The following AUTS2 variants were observed in gnomAD, a reference collection of about 807,000 sequenced individuals.
AUTS2 encodes activator of transcription and developmental regulator AUTS2.
Under a neutral mutation model 112.4 loss-of-function variants are expected in AUTS2, and 17 were observed. The observed-to-expected ratio is 0.15, with a 90% CI of 0.10 to 0.23. AUTS2 has a LOEUF of 0.23. AUTS2 is among the 10% of genes least tolerant of loss of function. The pLI, the probability that AUTS2 is intolerant of heterozygous loss-of-function variation, is 1.00. For missense variants in AUTS2, 1,510 were observed against 1,701.6 expected, an observed-to-expected ratio of 0.89 and a Z score of 1.98; for synonymous variants, 751 against 702.7, an observed-to-expected ratio of 1.07 and a Z score of -1.09.
chr7:70,353,057 T>G (rs1791838738), intron 4 of AUTS2, among the ~76,000 whole-genome samples: 1 of 152,188 alleles, frequency 6.6e-6, no homozygotes, highest in African/African-American at 2.4e-5. Context: ...CAAACACTTG[T>G]CCCTGAGTCT....
chr7:69,765,667 C>T (rs183007406), intron 1 of AUTS2, among the ~76,000 whole-genome samples: 9 of 151,962 alleles, frequency 5.9e-5, no homozygotes, highest in East Asian at 3.9e-4. Context: ...AGTCCGGGCA[C>T]GGTGGCTCAT....
intron 4 of AUTS2, among the ~76,000 whole-genome samples, chr7:70,341,284 G>A (rs1048519406): frequency 6.6e-6 from 1 of 152,138 alleles, no homozygotes; most frequent in South Asian, 2.1e-4. Context: ...TTAACGGACC[G>A]CAGCATAAAA....
chr7:69,983,505 C>T (rs1488206508), intron 2 of AUTS2, among the ~76,000 whole-genome samples: 2 of 148,704 alleles, frequency 1.3e-5, no homozygotes, highest in African/African-American at 2.6e-5. Flanking sequence ...CAGAAGGTGT[C>T]GCTTTGTACT....
intron 5 of AUTS2, among the ~76,000 whole-genome samples, chr7:70,607,191 A>G (rs911418441): frequency 6.6e-6 from 1 of 152,166 alleles, no homozygotes; most frequent in Non-Finnish European, 1.5e-5. Context: ...TGATTGGATT[A>G]CAGTTCCTTT....
At chr7:70,252,798 G>A (rs541988648) in intron 4 of AUTS2, among the ~76,000 whole-genome samples, 1 of 151,994 alleles carries the variant, frequency 6.6e-6, no homozygotes, top group Non-Finnish European at 1.5e-5. Flanking sequence ...TCATTGTTCT[G>A]CTTGTGGATA....
intron 4 of AUTS2, among the ~76,000 whole-genome samples, chr7:70,239,067 T>C (rs1179301663): frequency 6.6e-6 from 1 of 152,186 alleles, no homozygotes; most frequent in African/African-American, 2.4e-5. Flanking sequence ...CTATTTGATG[T>C]CCTTTAATCA....
rs190658230 is a variant in AUTS2 at position 70,542,705 on chromosome 7, C to A, written c.690+106924C>A. Among the ~76,000 whole-genome samples, 435 of 152,296 alleles carry A rather than the reference C, an allele frequency of 2.9e-3. 1 individual carries two copies. The highest frequency in any genetic ancestry group is 0.01 in the Admixed American group (155 of 15,296). On this transcript the variant is annotated intron_variant, in intron 5 of 18. Transcript: ENST00000342771. ...AAGTCAGTGGGGAAATATTCTTGTT[C>A]CCATTTAGCAGATGGGGCTCAAAGA...
intron 2 of AUTS2, among the ~76,000 whole-genome samples, chr7:70,096,297 T>TA (rs1309699813): frequency 6.6e-6 from 1 of 152,040 alleles, no homozygotes; most frequent in Non-Finnish European, 1.5e-5. Context: ...TATGCATGAA[T>TA]AAAAAAATTG....
intron 1 of AUTS2, chr7:69,663,359 A>G (rs1795888517): frequency 6.6e-6 from 1 of 152,140 alleles, no homozygotes; most frequent in African/African-American, 2.4e-5. Flanking sequence ...TAAGAGGGAA[A>G]TCTAATACCT....
At chr7:69,824,117 T>G in intron 1 of AUTS2, among the ~76,000 whole-genome samples, 1 of 151,912 alleles carries the variant, frequency 6.6e-6, no homozygotes. Flanking sequence ...TTATAGCTAT[T>G]AATAAGTGTG....
chr7:70,001,107 G>T (rs1360823988), intron 2 of AUTS2, among the ~76,000 whole-genome samples: 1 of 152,088 alleles, frequency 6.6e-6, no homozygotes, highest in Non-Finnish European at 1.5e-5. Context: ...AAAAAGCAGA[G>T]GCTCTTAGAA....
At chr7:70,665,419 A>G (rs892031998) in intron 5 of AUTS2, among the ~76,000 whole-genome samples, 15 of 149,358 alleles carry the variant, frequency 1.0e-4, no homozygotes, top group African/African-American at 3.8e-4. Flanking sequence ...ACACATCACC[A>G]TGACCAGCTG....
At chr7:70,592,832 CT>C (rs1193068740) in intron 5 of AUTS2, among the ~76,000 whole-genome samples, 2 of 152,062 alleles carry the variant, frequency 1.3e-5, no homozygotes, top group Non-Finnish European at 2.9e-5. Flanking sequence ...TGATTTCAAA[CT>C]TTGGAATTTA....
intron 6 of AUTS2, among the ~76,000 whole-genome samples, chr7:70,738,612 A>G (rs1338472141): frequency 6.6e-6 from 1 of 152,072 alleles, no homozygotes; most frequent in Non-Finnish European, 1.5e-5. Flanking sequence ...CTCCACTGTG[A>G]GCTGCCAAGG....
rs149520335 is a variant in AUTS2, at chr7:70,787,372, T to C, written c.2472T>C (p.His824=). 5 of 1,614,102 alleles carry C rather than the reference T, an allele frequency of 3.1e-6. No homozygotes were observed. In the African/African-American group the frequency reaches 5.3e-5, roughly 17 times the overall value. ...ELERSASAAA[H]DRDRDVDKRD... ...AGCGCAGCGCGTCCGCTGCAGCTCATGACAGAGATAGAGATGTAGATAAAC... is the reference window on the plus strand; with the variant it reads ...AGCGCAGCGCGTCCGCTGCAGCTCACGACAGAGATAGAGATGTAGATAAAC... The change falls in exon 18 of 19, where the codon CAT becomes CAC. Residue 824 remains histidine (H), a synonymous_variant. Transcript: ENST00000342771.
At chr7:70,377,911 C>T (rs992250097) in intron 4 of AUTS2, among the ~76,000 whole-genome samples, 1 of 151,650 alleles carries the variant, frequency 6.6e-6, no homozygotes, top group African/African-American at 2.4e-5. Context: ...GCTGGGACTA[C>T]AAGCGCCCGC....
intron 1 of AUTS2, among the ~76,000 whole-genome samples, chr7:69,868,302 G>A (rs1161088338): frequency 1.3e-5 from 2 of 152,120 alleles, no homozygotes; most frequent in Non-Finnish European, 2.9e-5. Flanking sequence ...AGTGCAAGCG[G>A]TAGACCATTG....
intron 4 of AUTS2, among the ~76,000 whole-genome samples, chr7:70,263,007 T>G (rs1440165961): frequency 6.6e-6 from 1 of 152,208 alleles, no homozygotes; most frequent in East Asian, 1.9e-4. Context: ...TCAGTAAATT[T>G]TATTAGTTTT....
intron 13 of AUTS2, 59 bp from the exon 14 acceptor site, chr7:70,777,044 T>C: frequency 6.5e-7 from 1 of 1,537,802 alleles, no homozygotes; most frequent in South Asian, 1.1e-5. Flanking sequence ...TTGGGGAAAT[T>C]GAAGGTGGTT....
Sources: gnomAD v4.1 joint callset for allele counts (sites outside exome capture counted in the v4.1 genomes callset) on GRCh38, gnomAD v4.1.1 for gene constraint, MANE v1.5 for transcripts, NCBI Gene and HGNC (gene_info 2026-07-23, HGNC 2026-07-21) for gene names.